Variants in ATCAY observed in about 807,000 individuals in gnomAD.
The protein encoded by ATCAY is caytaxin.
ATCAY carries 22 observed loss-of-function variants against 47.7 expected under a neutral mutation model. That is an observed-to-expected ratio of 0.46 (90% CI 0.33 to 0.66). ATCAY has a LOEUF of 0.66. Among genes scored for constraint, ATCAY ranks in the 30% least tolerant of loss-of-function variants. ATCAY has a pLI of 0.02. For missense variants in ATCAY, 452 were observed against 515.0 expected, an observed-to-expected ratio of 0.88 and a Z score of 1.18; for synonymous variants, 216 against 207.6, an observed-to-expected ratio of 1.04 and a Z score of -0.35.
At chr19:3,916,333 T>C (rs2038966050) in intron 9 of ATCAY, among the ~76,000 whole-genome samples, 1 of 152,230 alleles carries the variant, frequency 6.6e-6, no homozygotes, top group Non-Finnish European at 1.5e-5. Flanking sequence ...TTTTGGCTCT[T>C]GTGAATAGTC....
intron 2 of ATCAY, chr19:3,895,159 C>T (rs1298313371): frequency 2.2e-6 from 1 of 456,058 alleles, no homozygotes; most frequent in Non-Finnish European, 4.4e-6. Context: ...CTGGGAACCA[C>T]CAAGTCCAAA....
At chr19:3,911,667 A>G (rs932927404) in intron 8 of ATCAY, among the ~76,000 whole-genome samples, 1 of 152,110 alleles carries the variant, frequency 6.6e-6, no homozygotes, top group African/African-American at 2.4e-5. Context: ...AGATCAAGTG[A>G]AATAAAATTA....
At chr19:3,886,567 G>C (rs1293424289) in intron 2 of ATCAY, among the ~76,000 whole-genome samples, 2 of 149,402 alleles carry the variant, frequency 1.3e-5, no homozygotes, top group East Asian at 4.1e-4. Context: ...TCCAGCCTGG[G>C]CGACAGGTGA....
intron 9 of ATCAY, among the ~76,000 whole-genome samples, chr19:3,915,029 T>A (rs916945842): frequency 2.2e-4 from 33 of 152,114 alleles, no homozygotes; most frequent in African/African-American, 8.0e-4. Context: ...CTTCAAGTCC[T>A]GTTGTTTTTC....
chr19:3,907,151 A>AG lies in ATCAY; in HGVS notation c.359-583_359-582insG. ...TCTCTCAAAAAAAAAAAAGAAAGAA[A>AG]AAAAAAAATTAAGGACAATGTAGTG... On this transcript the variant is annotated intron_variant, in intron 4 of 12. Transcript: ENST00000450849. This position sits in a 1 kb window ranked among gnomAD's most constrained non-coding sequence, Gnocchi z 5.1. 6.6e-6 allele frequency among the ~76,000 whole-genome samples: 1 copy of AG among 151,612 alleles called. No individual in the cohort carries two copies. The highest frequency in any genetic ancestry group is 2.1e-4 in the South Asian group (1 of 4,780).
intron 2 of ATCAY, among the ~76,000 whole-genome samples, chr19:3,901,953 G>A (rs1012898281): frequency 6.6e-6 from 1 of 152,096 alleles, no homozygotes; most frequent in Non-Finnish European, 1.5e-5. Context: ...CCGAGATCAT[G>A]CCACTCTACT....
chr19:3,916,167 G>T (rs952025743), intron 9 of ATCAY, among the ~76,000 whole-genome samples: 1 of 152,108 alleles, frequency 6.6e-6, no homozygotes, highest in Admixed American at 6.6e-5. Flanking sequence ...TGTGTCTGAC[G>T]TCTCTCACTG....
In ATCAY at chr19:3,880,862, C is replaced by G. The variant is rs749316041; in HGVS notation, c.-188C>G. ...CGCTGGCCACGTCGCCCTGGGTGAC[C>G]TTCCTCGGATGCAGAATCCGCCCCT... On this transcript the variant is annotated 5_prime_UTR_variant, in exon 1 of 13. Coordinates refer to ENST00000450849, the MANE Select transcript of ATCAY (RefSeq NM_033064.5). 6.6e-6 allele frequency: 1 copy of G among 152,436 alleles called. No individual in the cohort carries two copies. The highest frequency in any genetic ancestry group is 2.4e-5 in the African/African-American group (1 of 41,464). The allele number at this position is 152,436 out of a possible 1,614,324, so 9.4% of individuals were successfully genotyped here.
intron 12 of ATCAY, 74 bp from the exon 13 acceptor site, chr19:3,924,509 A>T: frequency 6.4e-7 from 1 of 1,564,774 alleles, no homozygotes; most frequent in Non-Finnish European, 8.8e-7. Context: ...GTTTTGGATT[A>T]CATACATGTA....
rs533728029 is a variant in ATCAY at position 3,902,128 on chromosome 19, C to A, written c.78-359C>A. On this transcript the variant is annotated intron_variant, in intron 2 of 12. Transcript: ENST00000450849. ...AGGAGTTCAAGAGCAACCTGGGCAA[C>A]ATAGTGAGACCCCATCTCTACAAAA... Among the ~76,000 whole-genome samples the A allele has an allele frequency of 2.6e-5, 4 of 152,196 alleles. No individual in the cohort carries two copies. The South Asian group carries it at 8.3e-4, about 32-fold the overall frequency.
At position 3,907,608 on chromosome 19, in the gene ATCAY, G is replaced by C. The variant is rs770822416; in HGVS notation, c.359-126G>C. On this transcript the variant is annotated intron_variant, in intron 4 of 12. Transcript: ENST00000450849. The surrounding 1 kb of genome is among the most constrained non-coding windows in gnomAD (Gnocchi z 5.1). ...AATGGGTCAGCAGGGCAGCCAGGTGGGGAGAAGCGAAGGACTTGTGGGTCC... is the reference window on the plus strand; with the variant it reads ...AATGGGTCAGCAGGGCAGCCAGGTGCGGAGAAGCGAAGGACTTGTGGGTCC... 22 of 1,155,592 alleles carry C rather than the reference G, an allele frequency of 1.9e-5. No homozygotes were observed. In the Middle Eastern group the frequency reaches 8.5e-4, roughly 45 times the overall value. 71.6% of individuals were successfully genotyped at this position (1,155,592 alleles called of 1,614,324 possible).
intron 12 of ATCAY, among the ~76,000 whole-genome samples, chr19:3,921,954 G>C (rs2039024953): frequency 6.6e-6 from 1 of 152,056 alleles, no homozygotes; most frequent in South Asian, 2.1e-4. Context: ...CATAGGGCTG[G>C]ATCCAGGAGA....
In ATCAY at chr19:3,905,698, C is replaced by G. The variant is rs200049059; in HGVS notation, c.358+43C>G. ...TCTGGGGCCTGCTGGAGCCCACCCC[C>G]CCCACCCCACCTTTCCGTCTCTGGA... is the stretch of plus-strand genomic sequence containing the variant. On this transcript the variant is annotated intron_variant, in intron 4 of 12. Coordinates refer to ENST00000450849, the MANE Select transcript of ATCAY (RefSeq NM_033064.5). The G allele has an allele frequency of 5.6e-4, 864 of 1,529,768 alleles. 14 individuals are homozygous for G. In the East Asian group the frequency reaches 0.014, roughly 24 times the overall value. 94.8% of individuals were successfully genotyped at this position (1,529,768 alleles called of 1,614,324 possible). A position where few individuals can be genotyped will look rare whatever the true frequency, so the allele number is the denominator to read the frequency against.
At position 3,880,708 on chromosome 19, in the gene ATCAY, G is replaced by A. The variant is rs1157589029; in HGVS notation, c.-342G>A. ...GCCTCTGCCAGCCCTGAGCTGGGAA[G>A]AAGCAGCTACCTCGGAGGCAGGGCG... On this transcript the variant is annotated 5_prime_UTR_variant, in exon 1 of 13. Coordinates refer to ENST00000450849, the MANE Select transcript of ATCAY (RefSeq NM_033064.5). 6.6e-6 allele frequency: 1 copy of A among 152,314 alleles called. No homozygotes were observed. Among genetic ancestry groups the A allele is most frequent in the Non-Finnish European group, 1.5e-5 (1 of 68,240 alleles). 9.4% of individuals were successfully genotyped at this position (152,314 alleles called of 1,614,324 possible). A position where few individuals can be genotyped will look rare whatever the true frequency, so the allele number is the denominator to read the frequency against.
chr19:3,910,099 T>G (rs998404433), intron 7 of ATCAY, among the ~76,000 whole-genome samples: 2 of 151,870 alleles, frequency 1.3e-5, no homozygotes, highest in Admixed American at 1.3e-4. Context: ...CATGAAACAC[T>G]CACTCCCTAT....
chr19:3,888,195 T>A (rs1373627912), intron 2 of ATCAY, among the ~76,000 whole-genome samples: 1 of 151,906 alleles, frequency 6.6e-6, no homozygotes, highest in African/African-American at 2.4e-5. Context: ...TGGCTAAAGA[T>A]AGCTGCTCAT....
At chr19:3,896,921 C>T (rs1282422615) in intron 2 of ATCAY, among the ~76,000 whole-genome samples, 2 of 151,952 alleles carry the variant, frequency 1.3e-5, no homozygotes, top group Non-Finnish European at 1.5e-5. Flanking sequence ...GGATTACAGG[C>T]GCCCGCCACC....
At chr19:3,915,332 C>G (rs1035921538) in intron 9 of ATCAY, among the ~76,000 whole-genome samples, 2 of 116,774 alleles carry the variant, frequency 1.7e-5, no homozygotes, top group African/African-American at 3.1e-5. Flanking sequence ...GCCGCCATGC[C>G]TGGCTAATTT....
chr19:3,901,400 G>T (rs941896043), intron 2 of ATCAY, among the ~76,000 whole-genome samples: 2 of 152,088 alleles, frequency 1.3e-5, no homozygotes, highest in Non-Finnish European at 2.9e-5. Context: ...TTCCAGCATT[G>T]ACATAGAGAT....
Sources: allele counts gnomAD v4.1 joint callset (sites outside exome capture counted in the v4.1 genomes callset), GRCh38; gene constraint gnomAD v4.1.1; non-coding constraint Gnocchi (gnomAD v3.1); transcripts MANE v1.5; gene names NCBI Gene and HGNC (gene_info 2026-07-23, HGNC 2026-07-21).